Variants in ZNF326 observed in about 807,000 individuals in gnomAD.
The protein encoded by ZNF326 is DBIRD complex subunit ZNF326.
Under a neutral mutation model 63.1 loss-of-function variants are expected in ZNF326, and 30 were observed. The observed-to-expected ratio is 0.48, with a 90% CI of 0.36 to 0.64. The LOEUF (loss-of-function observed/expected upper bound fraction) is 0.64. Ranked by LOEUF, ZNF326 falls within the 30% of genes least tolerant of loss-of-function variation. ZNF326 has a pLI of 0.00. For synonymous variants in ZNF326, 194 were observed against 228.2 expected, an observed-to-expected ratio of 0.85 and a Z score of 1.35; for missense variants, 609 against 720.3, an observed-to-expected ratio of 0.85 and a Z score of 1.77.
rs1650348888 is a variant in ZNF326 at position 90,033,228 on chromosome 1, T to C, written c.*5527T>C. ...GAACACCAAAACAATATATGACAGA[T>C]ACTGTGTTTGGGCCTTAAAGCCTAC... On this transcript the variant is annotated 3_prime_UTR_variant, in exon 12 of 12. Coordinates refer to ENST00000340281, the MANE Select transcript of ZNF326 (RefSeq NM_182976.4). The C allele has an allele frequency of 6.6e-6, 1 of 152,182 alleles. No individual in the cohort carries two copies. Among genetic ancestry groups the C allele is most frequent in the Non-Finnish European group, 1.5e-5 (1 of 68,036 alleles). 9.4% of individuals were successfully genotyped at this position (152,182 alleles called of 1,614,324 possible).
rs1650352267 is a variant in ZNF326, at chr1:90,033,351, C to T, written c.*5650C>T. Reference sequence around the variant, plus strand: ...AAGGAAAAGAGCAACATGAAAAATACACAGCAAACTTAACAAGCAGAAAGA... The same window carrying T: ...AAGGAAAAGAGCAACATGAAAAATATACAGCAAACTTAACAAGCAGAAAGA... On this transcript the variant is annotated 3_prime_UTR_variant, in exon 12 of 12. Coordinates refer to ENST00000340281, the MANE Select transcript of ZNF326 (RefSeq NM_182976.4). 6.6e-6 allele frequency: 1 copy of T among 151,900 alleles called. No homozygotes were observed. The highest frequency in any genetic ancestry group is 1.5e-5 in the Non-Finnish European group (1 of 67,982). 9.4% of individuals were successfully genotyped at this position (151,900 alleles called of 1,614,324 possible).
intron 7 of ZNF326, among the ~76,000 whole-genome samples, chr1:90,015,337 G>T (rs1248581172): frequency 1.3e-5 from 2 of 152,176 alleles, no homozygotes; most frequent in East Asian, 3.9e-4. Context: ...AGTGTATGGT[G>T]AAGGATACCA....
rs1240427104 is a variant in ZNF326, at chr1:90,018,753, AGTT to A, written c.1144_1146del (p.Val382del). The A allele has an allele frequency of 1.3e-6, 2 of 1,565,806 alleles. No homozygotes were observed. The highest frequency in any genetic ancestry group is 2.7e-5 in the African/African-American group (2 of 72,836). ...AACAGACAAATAATCAAACAGAAGT[AGTT>A]AAAATAATTGAAAAAGATGTTATGG... is the stretch of plus-strand genomic sequence containing the variant. On this transcript the variant is annotated inframe_deletion, in exon 9 of 12. Transcript: ENST00000340281.
At chr1:90,017,268 A>G in intron 7 of ZNF326, 49 bp from the exon 8 acceptor site, 1 of 1,314,570 alleles carries the variant, frequency 7.6e-7, no homozygotes, top group Non-Finnish European at 1.0e-6. Flanking sequence ...TGAACTCTTT[A>G]TAGTTGAATA....
At position 89,998,110 on chromosome 1, in the gene ZNF326, A is replaced by G; in HGVS notation, c.17A>G (p.Asp6Gly). ...CTTTTTGTTAAATGTGTCTTCATAG[A>G]TTACACACACTCCGCCTGCAGGAAT... MDFED[D>G]YTHSACRNTY... The change falls in exon 2 of 12, where the codon GAT becomes GGT. Residue 6 changes from aspartate to glycine, a missense_variant and splice_region_variant. Around this residue, in one of 3 missense-constraint regions of ZNF326, gnomAD observed 97 missense variants for 88.7 expected, o/e 1.09. Coordinates refer to ENST00000340281, the MANE Select transcript of ZNF326 (RefSeq NM_182976.4). The G allele has an allele frequency of 1.2e-6, 2 of 1,612,814 alleles. No individual in the cohort carries two copies. Among genetic ancestry groups the G allele is most frequent in the Non-Finnish European group, 1.7e-6 (2 of 1,179,678 alleles).
rs1306012506 is a variant in ZNF326, at chr1:90,033,123, AT to A, written c.*5425del. 6.6e-6 allele frequency: 1 copy of A among 152,154 alleles called. No homozygotes were observed. The highest frequency in any genetic ancestry group is 1.5e-5 in the Non-Finnish European group (1 of 68,030). 9.4% of individuals were successfully genotyped at this position (152,154 alleles called of 1,614,324 possible). A position where few individuals can be genotyped will look rare whatever the true frequency, so the allele number is the denominator to read the frequency against. ...AAACTCCAGATAATGATACTGAGAAATTTATTGGTTGGAAAACTGCTATCTA... is the reference window on the plus strand; with the variant it reads ...AAACTCCAGATAATGATACTGAGAAATTATTGGTTGGAAAACTGCTATCTA... On this transcript the variant is annotated 3_prime_UTR_variant, in exon 12 of 12. Transcript: ENST00000340281.
intron 2 of ZNF326, among the ~76,000 whole-genome samples, chr1:90,000,253 A>T (rs914459404): frequency 6.6e-6 from 1 of 152,184 alleles, no homozygotes; most frequent in Non-Finnish European, 1.5e-5. Flanking sequence ...TTAGCACTGT[A>T]TTTTCTAGGA....
In ZNF326 at chr1:90,010,099, T is replaced by A. The variant is rs1649163788; in HGVS notation, c.627T>A (p.Asp209Glu). The A allele has an allele frequency of 5.6e-6, 9 of 1,613,734 alleles. No individual in the cohort carries two copies. In the East Asian group the frequency reaches 2.0e-4, roughly 36 times the overall value. ...TCACAAATTTACAGCATATGGGTGA[T>A]TTTGGAAGCATTCATAGACCCGGAA... is the stretch of plus-strand genomic sequence containing the variant. Reference protein sequence around the residue: ...GRGRGRGHMGDFGSIHRPGIV... With the variant: ...GRGRGRGHMGEFGSIHRPGIV... Residue 209 changes from aspartate (D) to glutamate (E), a missense_variant, in exon 6 of 12, where the codon GAT (aspartate) becomes GAA (glutamate). Coordinates refer to ENST00000340281, the MANE Select transcript of ZNF326 (RefSeq NM_182976.4).
At chr1:90,005,890 T>A (rs954011129) in intron 4 of ZNF326, 4 of 985,264 alleles carry the variant, frequency 4.1e-6, no homozygotes, top group Non-Finnish European at 4.8e-6. Flanking sequence ...CTAGTCGAGA[T>A]TGTATTTATA....
intron 11 of ZNF326, among the ~76,000 whole-genome samples, chr1:90,022,722 C>T (rs964171395): frequency 9.9e-5 from 15 of 152,172 alleles, no homozygotes; most frequent in African/African-American, 2.2e-4. Flanking sequence ...CTCCCAATTT[C>T]TGTTACCAGC....
chr1:90,008,688 G>C (rs899479459), intron 5 of ZNF326, among the ~76,000 whole-genome samples: 8 of 152,140 alleles, frequency 5.3e-5, no homozygotes, highest in Non-Finnish European at 1.2e-4. Context: ...ATTTGCAGAG[G>C]AAAGTATTTC....
chr1:90,002,575 A>C (rs1167063233), intron 2 of ZNF326, among the ~76,000 whole-genome samples: 2 of 152,284 alleles, frequency 1.3e-5, no homozygotes, highest in East Asian at 3.9e-4. Context: ...ATACTTACCA[A>C]CTGTATCACA....
intron 7 of ZNF326, among the ~76,000 whole-genome samples, chr1:90,015,270 C>A (rs567958644): frequency 9.2e-5 from 14 of 152,218 alleles, no homozygotes; most frequent in African/African-American, 3.4e-4. Flanking sequence ...TTTATATCTA[C>A]CCTTAAGGGA....
At chr1:90,013,600 C>G (rs1649358042) in intron 7 of ZNF326, among the ~76,000 whole-genome samples, 1 of 152,210 alleles carries the variant, frequency 6.6e-6, no homozygotes, top group Middle Eastern at 3.4e-3. Context: ...AAAGGAAATT[C>G]TGAAGAAGAG....
intron 9 of ZNF326, among the ~76,000 whole-genome samples, chr1:90,019,217 A>C (rs186528713): frequency 7.2e-5 from 11 of 152,164 alleles, no homozygotes; most frequent in Non-Finnish European, 2.9e-5. Context: ...CAGCCAACAA[A>C]AGGAATAAAA....
chr1:90,032,580 A>G lies in ZNF326; in HGVS notation c.*4879A>G, dbSNP rs1650324251. 1 of 152,206 alleles carries G rather than the reference A, an allele frequency of 6.6e-6. No individual in the cohort carries two copies. Among genetic ancestry groups the G allele is most frequent in the East Asian group, 1.9e-4 (1 of 5,200 alleles). The allele number at this position is 152,206 out of a possible 1,614,324, so 9.4% of individuals were successfully genotyped here. A position where few individuals can be genotyped will look rare whatever the true frequency, so the allele number is the denominator to read the frequency against. ...AAGAAGGGTGCTGTGAAATATTTCT[A>G]GAAGATACAAAACAAGGAATTAGAT... is the stretch of plus-strand genomic sequence containing the variant. On this transcript the variant is annotated 3_prime_UTR_variant, in exon 12 of 12. Transcript: ENST00000340281.
chr1:90,015,477 C>T (rs1649459161), intron 7 of ZNF326, among the ~76,000 whole-genome samples: 1 of 152,086 alleles, frequency 6.6e-6, no homozygotes, highest in Non-Finnish European at 1.5e-5. Flanking sequence ...CCTAGGAGTT[C>T]AAAACCAGCT....
chr1:90,010,400 T>C (rs1649181200), intron 6 of ZNF326, 114 bp downstream of exon 6: 2 of 1,085,828 alleles, frequency 1.8e-6, no homozygotes, highest in Middle Eastern at 2.6e-4. Context: ...CAATTATGAT[T>C]GTAGAAGTTA....
intron 2 of ZNF326, among the ~76,000 whole-genome samples, chr1:90,000,983 A>T (rs1270782925): frequency 6.6e-6 from 1 of 152,104 alleles, no homozygotes; most frequent in African/African-American, 2.4e-5. Context: ...ACAGGGGTGT[A>T]TGTAATTGAT....
Sources: allele counts gnomAD v4.1 joint callset (sites outside exome capture counted in the v4.1 genomes callset), GRCh38; gene constraint gnomAD v4.1.1; regional missense constraint gnomAD v4.1.1; transcripts MANE v1.5; gene names NCBI Gene and HGNC (gene_info 2026-07-23, HGNC 2026-07-21).